The following NCOR2 variants were observed in gnomAD, a reference collection of about 807,000 sequenced individuals.
The protein encoded by NCOR2 is CTG repeat protein 26.
In NCOR2, 81 loss-of-function variants were observed where a neutral mutation model predicts 262.9. The observed-to-expected ratio is 0.31, with a 90% confidence interval of 0.26 to 0.37. The LOEUF is 0.37. NCOR2 is among the 10% of genes least tolerant of loss of function. The pLI is 1.00. For missense variants in NCOR2, 3,385 were observed against 3,621.4 expected (o/e 0.93, Z 1.68); for synonymous variants, 1,659 against 1,559.3 (o/e 1.06, Z -1.51).
rs531633818 is a variant in NCOR2, at chr12:124,430,092, G to A, written c.1056-386C>T. 3.3e-5 allele frequency among the ~76,000 whole-genome samples: 5 copies of A among 152,332 alleles called. No individual in the cohort carries two copies. The South Asian group carries it at 1.0e-3, about 32-fold the overall frequency. ...CCTGGCTGCCTAGAGCTGTTGTGGG[G>A]AACTTAATGAGACATGGCTTGTGAC... is the stretch of plus-strand genomic sequence containing the variant. On this transcript the variant is annotated intron_variant, in intron 9 of 46. Coordinates refer to ENST00000405201, the Ensembl canonical transcript of NCOR2.
intron 16 of NCOR2, among the ~76,000 whole-genome samples, chr12:124,387,664 G>A (rs1169822200): frequency 2.0e-5 from 3 of 152,258 alleles, no homozygotes; most frequent in Non-Finnish European, 4.4e-5. Context: ...GGCGCAGAAG[G>A]GGAGGGCCGG....
intron 10 of NCOR2, 71 bp downstream of exon 12, chr12:124,429,542 T>C (rs1219859459): frequency 2.0e-6 from 3 of 1,490,032 alleles, no homozygotes; most frequent in Non-Finnish European, 1.8e-6. Flanking sequence ...GGTTTCTGGC[T>C]AGGGCCTCTG....
chr12:124,495,430 C>T (rs2136907424), upstream of NCOR2: 3 of 1,285,080 alleles, frequency 2.3e-6, no homozygotes, highest in East Asian at 5.2e-5. This position sits in a 1 kb window ranked among gnomAD's most constrained non-coding sequence, Gnocchi z 4.4. Flanking sequence ...CCTCCGTGCA[C>T]AGGTCCCCGA....
intron 30 of NCOR2, 52 bp downstream of exon 32, chr12:124,347,773 C>T (rs944043104): frequency 1.5e-5 from 23 of 1,536,644 alleles, no homozygotes; most frequent in African/African-American, 2.7e-5. Flanking sequence ...CCGCGCCCTG[C>T]GTGACTGTAC....
In NCOR2 at chr12:124,483,377, A is replaced by G. The variant is rs2136797978; in HGVS notation, c.411+219T>C. ...TGCACTTGCTGCTCTGCCCACCTGG[A>G]ACACCTTCCCCACTTCTTCCCACAC... On this transcript the variant is annotated intron_variant, in intron 3 of 46. Transcript: ENST00000405201. This position sits in a 1 kb window ranked among gnomAD's most constrained non-coding sequence, Gnocchi z 6.3. 6.6e-6 allele frequency among the ~76,000 whole-genome samples: 1 copy of G among 151,986 alleles called. No homozygotes were observed. The highest frequency in any genetic ancestry group is 6.6e-5 in the Admixed American group (1 of 15,262).
chr12:124,426,782 G>A, exon 11 of NCOR2: 6 of 1,582,232 alleles, frequency 3.8e-6, no homozygotes, highest in Non-Finnish European at 4.3e-6. Flanking sequence ...GCCAGCTGGC[G>A]CATCTGCTTC....
chr12:124,355,173 A>C, intron 24 of NCOR2: 1 of 612,214 alleles, frequency 1.6e-6, no homozygotes, highest in Non-Finnish European at 2.8e-6. Flanking sequence ...AGTGGGGGAA[A>C]CAGGAGGTTA....
At chr12:124,436,257 G>A (rs1438900216) in intron 8 of NCOR2, among the ~76,000 whole-genome samples, 1 of 152,208 alleles carries the variant, frequency 6.6e-6, no homozygotes, top group Non-Finnish European at 1.5e-5. Context: ...GGGCATGACT[G>A]AGCCAGGCCT....
chr12:124,356,668 G>A (rs1016525144), exon 23 of NCOR2: 2 of 1,456,140 alleles, frequency 1.4e-6, no homozygotes, highest in Non-Finnish European at 1.8e-6. Context: ...GAAGGCTGAG[G>A]GGTCCGGGGC....
In NCOR2 at chr12:124,523,485, C is replaced by T. The variant is rs837492; in HGVS notation, c.-118+12080G>A. 0.23 allele frequency among the ~76,000 whole-genome samples: 35,172 copies of T among 151,998 alleles called. 4,668 individuals are homozygous for T. Among genetic ancestry groups the T allele is most frequent in the Non-Finnish European group, 0.32 (21,455 of 67,944 alleles). On this transcript the variant is annotated intron_variant, in intron 1 of 46. Transcript: ENST00000404621. The surrounding 1 kb of genome is among the most constrained non-coding windows in gnomAD (Gnocchi z 4.0). ...GACACATCACGCCGGCCAGCATCAC[C>T]CAAGCTCTCAGTGTGCCAGGGTCAG...
At chr12:124,399,148 T>G (rs572394249) in intron 15 of NCOR2, among the ~76,000 whole-genome samples, 1 of 152,046 alleles carries the variant, frequency 6.6e-6, no homozygotes, top group East Asian at 1.9e-4. Context: ...CCCACCCCCA[T>G]GGGCAGCCCC....
intron 7 of NCOR2, among the ~76,000 whole-genome samples, chr12:124,445,624 G>T (rs2045116793): frequency 6.6e-6 from 1 of 152,074 alleles, no homozygotes; most frequent in Non-Finnish European, 1.5e-5. Context: ...CGCCAGGGAG[G>T]CTGCTCCAGG....
At chr12:124,399,833 G>T (rs1043735827) in intron 15 of NCOR2, among the ~76,000 whole-genome samples, 3 of 152,090 alleles carry the variant, frequency 2.0e-5, no homozygotes, top group African/African-American at 7.2e-5. Flanking sequence ...TGCCCCCTGC[G>T]GCGAATCTTG....
At chr12:124,373,215 CCGGG>C in intron 19 of NCOR2, among the ~76,000 whole-genome samples, 1 of 146,666 alleles carries the variant, frequency 6.8e-6, no homozygotes, top group Non-Finnish European at 1.5e-5. Flanking sequence ...TACAGGGGAC[CCGGG>C]CACAGTGGAC....
intron 13 of NCOR2, among the ~76,000 whole-genome samples, chr12:124,417,670 T>C (rs943321027): frequency 2.0e-5 from 3 of 152,226 alleles, no homozygotes; most frequent in Admixed American, 2.0e-4. Flanking sequence ...CACCGCTCCC[T>C]GCTGCCTCTC....
chr12:124,397,317 C>T (rs1212614812), intron 16 of NCOR2, among the ~76,000 whole-genome samples: 1 of 152,240 alleles, frequency 6.6e-6, no homozygotes, highest in Non-Finnish European at 1.5e-5. Flanking sequence ...TTCCGCACAG[C>T]CAACCTAGAC....
intron 41 of NCOR2, 90 bp downstream of exon 43, chr12:124,334,334 C>G: frequency 1.0e-6 from 1 of 960,286 alleles, no homozygotes. Flanking sequence ...GCCTCATATG[C>G]AGCTGAGCTC....
At chr12:124,354,360 GA>G (rs1385996685) in intron 26 of NCOR2, 117 bp downstream of exon 28, 6 of 1,188,678 alleles carry the variant, frequency 5.0e-6, no homozygotes, top group Non-Finnish European at 7.0e-6. Flanking sequence ...CAGCTGTGAA[GA>G]GGGGCCCCCA....
At chr12:124,380,995 C>A (rs545067620) in intron 17 of NCOR2, among the ~76,000 whole-genome samples, 6 of 152,162 alleles carry the variant, frequency 3.9e-5, no homozygotes, top group African/African-American at 1.4e-4. Flanking sequence ...ACCTACTATG[C>A]GCCAAGCGGT....
Sources: allele counts gnomAD v4.1 joint callset (sites outside exome capture counted in the v4.1 genomes callset), GRCh38; gene constraint gnomAD v4.1.1; non-coding constraint Gnocchi (gnomAD v3.1); transcripts MANE v1.5; gene names NCBI Gene and HGNC (gene_info 2026-07-23, HGNC 2026-07-21).